The following DPP6 variants were observed in gnomAD, a reference collection of about 807,000 sequenced individuals.
DPP6 encodes the protein dipeptidyl peptidase like 6, also known as A-type potassium channel modulatory protein DPP6.
A neutral mutation model predicts 122.6 loss-of-function variants in DPP6; 69 were observed. The ratio of observed to expected loss-of-function variants is 0.56; its 90% CI spans 0.46 to 0.69. DPP6 has a LOEUF of 0.69. Among genes scored for constraint, DPP6 ranks in the 30% least tolerant of loss-of-function variants. The pLI is 0.00. For missense variants in DPP6, 928 were observed against 1,116.9 expected (o/e 0.83, Z 2.41); for synonymous variants, 418 against 433.1 (o/e 0.97, Z 0.43).
intron 5 of DPP6, among the ~76,000 whole-genome samples, chr7:154,617,448 G>A (rs1050745758): frequency 6.6e-5 from 10 of 152,272 alleles, no homozygotes; most frequent in African/African-American, 2.4e-4. Flanking sequence ...TAAGCAATCC[G>A]ATTGTGCGAA....
At chr7:154,885,529 C>T (rs929722996) in intron 21 of DPP6, 104 bp from the exon 22 acceptor site, 5 of 1,430,342 alleles carry the variant, frequency 3.5e-6, no homozygotes, top group Admixed American at 5.1e-5. Context: ...AAGGAGAGAA[C>T]CTGCATGGAA....
intron 1 of DPP6, among the ~76,000 whole-genome samples, chr7:154,157,952 T>C (rs1032935699): frequency 3.4e-5 from 5 of 148,502 alleles, no homozygotes; most frequent in Admixed American, 6.8e-5. Flanking sequence ...TATATACATA[T>C]ATATGTACAT....
Position 154,892,778 on chromosome 7 carries a change from G to A in DPP6, c.*298G>A, listed in dbSNP as rs769250392. 2 of 623,478 alleles carry A rather than the reference G, an allele frequency of 3.2e-6. No homozygotes were observed. Among genetic ancestry groups the A allele is most frequent in the African/African-American group, 3.6e-5 (2 of 55,394 alleles). The allele number at this position is 623,478 out of a possible 1,614,324, so 38.6% of individuals were successfully genotyped here. On this transcript the variant is annotated 3_prime_UTR_variant, in exon 26 of 26. Coordinates refer to ENST00000377770, the MANE Select transcript of DPP6 (RefSeq NM_130797.4). ...CCCCCAAGGAACAGAGCAAAGGATG[G>A]TGGCCGCAGGCCCCACGCGAGCCCA...
At chr7:154,431,432 T>C (rs985452773) in intron 1 of DPP6, among the ~76,000 whole-genome samples, 6 of 105,300 alleles carry the variant, frequency 5.7e-5, no homozygotes, top group Admixed American at 5.2e-4. Context: ...TCAGGCTCTG[T>C]TTTTCTTTCC....
chr7:153,855,937 C>T, the DPP6 span, among the ~76,000 whole-genome samples: 1 of 152,098 alleles, frequency 6.6e-6, no homozygotes, highest in African/African-American at 2.4e-5. Context: ...AGGGTTTCTC[C>T]CAACTATTAT....
chr7:154,468,433 G>A (rs1235111951), intron 2 of DPP6, among the ~76,000 whole-genome samples: 2 of 152,172 alleles, frequency 1.3e-5, no homozygotes, highest in Admixed American at 1.3e-4. Flanking sequence ...TTGTGTTGTA[G>A]ACTTTAAATG....
At chr7:153,788,827 T>C in the DPP6 span, among the ~76,000 whole-genome samples, 1 of 152,032 alleles carries the variant, frequency 6.6e-6, no homozygotes, top group South Asian at 2.1e-4. Flanking sequence ...TAGCCAGGCA[T>C]GGTGGTAGAT....
chr7:154,233,918 A>G (rs181897303), intron 1 of DPP6, among the ~76,000 whole-genome samples: 25 of 152,352 alleles, frequency 1.6e-4, no homozygotes, highest in Admixed American at 1.2e-3. Flanking sequence ...AGACAGTGAG[A>G]AAGGCTGTGG....
At position 154,483,898 on chromosome 7, in the gene DPP6, T is replaced by C. The variant is rs746789551; in HGVS notation, c.457+8861T>C. On this transcript the variant is annotated intron_variant, in intron 3 of 25. Coordinates refer to ENST00000377770, the MANE Select transcript of DPP6 (RefSeq NM_130797.4). This position sits in a 1 kb window ranked among gnomAD's most constrained non-coding sequence, Gnocchi z 8.1. ...TTAGCAGAGACAGGGTTTCCCCATA[T>C]TGCTCAGGCTGGTCTTGAACTCCTG... Among the ~76,000 whole-genome samples the C allele has an allele frequency of 1.4e-4, 22 of 152,168 alleles. No individual in the cohort carries two copies. The highest frequency in any genetic ancestry group is 2.9e-4 in the Non-Finnish European group (20 of 68,028).
At chr7:154,145,263 C>T (rs1196930067) in intron 1 of DPP6, among the ~76,000 whole-genome samples, 1 of 152,154 alleles carries the variant, frequency 6.6e-6, no homozygotes, top group Non-Finnish European at 1.5e-5. Flanking sequence ...TGGATGGCCT[C>T]TAGGAAAGCA....
At chr7:154,584,785 G>A (rs553954640) in intron 5 of DPP6, among the ~76,000 whole-genome samples, 4 of 152,304 alleles carry the variant, frequency 2.6e-5, no homozygotes, top group Admixed American at 1.3e-4. Context: ...CAGTCGCTAC[G>A]ATTACTCAGC....
chr7:154,776,820 C>T (rs1796605012), intron 10 of DPP6, among the ~76,000 whole-genome samples: 2 of 152,186 alleles, frequency 1.3e-5, no homozygotes, highest in African/African-American at 4.8e-5. Flanking sequence ...AACTAAGACA[C>T]CTCGTCTGTG....
chr7:154,149,028 G>A (rs918448149), intron 1 of DPP6, among the ~76,000 whole-genome samples: 1 of 152,216 alleles, frequency 6.6e-6, no homozygotes, highest in Non-Finnish European at 1.5e-5. Context: ...GATGAGTATG[G>A]TGCAGTATCT....
intron 1 of DPP6, among the ~76,000 whole-genome samples, chr7:154,243,182 A>C (rs1216815901): frequency 6.6e-6 from 1 of 152,210 alleles, no homozygotes; most frequent in African/African-American, 2.4e-5. Flanking sequence ...GATTATCTAG[A>C]ATCATGAAAA....
At chr7:153,798,967 A>G in the DPP6 span, among the ~76,000 whole-genome samples, 4 of 152,182 alleles carry the variant, frequency 2.6e-5, no homozygotes, top group Non-Finnish European at 5.9e-5. Context: ...CTGATCTGAC[A>G]GGAGGCAGAG....
At chr7:154,021,480 C>T (rs556056773) in intron 1 of DPP6, among the ~76,000 whole-genome samples, 4 of 152,252 alleles carry the variant, frequency 2.6e-5, no homozygotes, top group African/African-American at 4.8e-5. Flanking sequence ...CCAGAAGTCA[C>T]GTAAGAGACC....
intron 8 of DPP6, among the ~76,000 whole-genome samples, chr7:154,761,140 CT>C (rs1283142576): frequency 6.6e-6 from 1 of 152,138 alleles, no homozygotes; most frequent in African/African-American, 2.4e-5. Flanking sequence ...CAGCTCAAAA[CT>C]TTTTTGAAAC....
chr7:154,766,874 A>C (rs138723638), intron 8 of DPP6, among the ~76,000 whole-genome samples: 12 of 152,170 alleles, frequency 7.9e-5, no homozygotes, highest in Non-Finnish European at 1.6e-4. Context: ...AATGAGATAC[A>C]AACAACCCTG....
At chr7:154,884,594 CATACAT>C (rs1405837418) in intron 21 of DPP6, 1 of 151,106 alleles carries the variant, frequency 6.6e-6, no homozygotes, top group East Asian at 2.0e-4. Flanking sequence ...TACACATGCT[CATACAT>C]ACACGATTAC....
Sources: gnomAD v4.1 joint callset for allele counts (sites outside exome capture counted in the v4.1 genomes callset) on GRCh38, gnomAD v4.1.1 for gene constraint, Gnocchi (gnomAD v3.1) non-coding constraint, MANE v1.5 for transcripts, NCBI Gene and HGNC (gene_info 2026-07-23, HGNC 2026-07-21) for gene names.